Variants in PPEF1 observed in about 807,000 individuals in gnomAD.
The protein encoded by PPEF1 is protein phosphatase with EF-hand domain 1.
Under a neutral mutation model 53.3 loss-of-function variants are expected in PPEF1, and 12 were observed. The ratio of observed to expected loss-of-function variants is 0.23; its 90% CI spans 0.14 to 0.36. The LOEUF is 0.36. Among genes scored for constraint, PPEF1 ranks in the 10% least tolerant of loss-of-function variants. The pLI, the probability that PPEF1 is intolerant of heterozygous loss-of-function variation, is 1.00. For synonymous variants in PPEF1, 165 were observed against 176.7 expected (o/e 0.93, Z 0.52); for missense variants, 334 against 490.4 (o/e 0.68, Z 3.01).
upstream of PPEF1, among the ~76,000 whole-genome samples, chrX:18,707,069 C>T (rs931392858): frequency 2.7e-5 from 3 of 109,647 alleles, no homozygotes; most frequent in African/African-American, 9.9e-5. Context: ...CCTCGTAATC[C>T]GCCCGCCTCG....
intron 4 of PPEF1, among the ~76,000 whole-genome samples, chrX:18,692,149 G>T (rs993280460): frequency 1.9e-4 from 21 of 111,870 alleles, no homozygotes; most frequent in African/African-American, 6.8e-4. Flanking sequence ...TTTATTTCCT[G>T]AGCTCCAAAC....
At chrX:18,709,516 T>TC (rs2044275323) in intron 1 of PPEF1, among the ~76,000 whole-genome samples, 2 of 108,967 alleles carry the variant, frequency 1.8e-5, no homozygotes, top group South Asian at 8.0e-4. Flanking sequence ...TTTGTTTTTT[T>TC]TGAGACAGTC....
intron 4 of PPEF1, among the ~76,000 whole-genome samples, chrX:18,697,587 A>C (rs2147256489): frequency 9.1e-6 from 1 of 110,165 alleles, no homozygotes; most frequent in South Asian, 3.9e-4. Flanking sequence ...GCGCCCCTGG[A>C]GTGTCTCGTA....
intron 8 of PPEF1, among the ~76,000 whole-genome samples, chrX:18,783,361 C>A (rs2046131419): frequency 9.1e-6 from 1 of 110,037 alleles, no homozygotes; most frequent in Non-Finnish European, 1.9e-5. Flanking sequence ...AATTAGCTAG[C>A]CCCGGGAGGG....
At chrX:18,734,745 A>G (rs1227886662) in intron 3 of PPEF1, among the ~76,000 whole-genome samples, 2 of 111,575 alleles carry the variant, frequency 1.8e-5, no homozygotes, top group East Asian at 2.8e-4. Flanking sequence ...AGTCCCACCA[A>G]CAGTGTAAAA....
At chrX:18,731,641 T>C (rs931510683) in intron 2 of PPEF1, among the ~76,000 whole-genome samples, 5 of 112,095 alleles carry the variant, frequency 4.5e-5, no homozygotes, top group African/African-American at 1.3e-4. Context: ...TTCACCCATT[T>C]AAAGTGTGCA....
rs1569273822 is a variant in PPEF1, at chrX:18,821,784, AGAGAGAGAGAGAGAGAG to A, written c.1502-2138_1502-2122del. Among the ~76,000 whole-genome samples the A allele has an allele frequency of 1.7e-3, 182 of 104,579 alleles. 1 individual carries two copies. Among genetic ancestry groups the A allele is most frequent in the African/African-American group, 6.0e-3 (172 of 28,768 alleles). 90.8% of individuals were successfully genotyped at this position (104,579 alleles called of 115,157 possible). ...GAGAGAGAGAGAGAGAGAGAGAGAG[AGAGAGAGAGAGAGAGAG>A]AGAAAACAAATAACCAGTGCAAGTG... On this transcript the variant is annotated intron_variant, in intron 13 of 15. Transcript: ENST00000470157.
Position 18,713,203 on chromosome X carries a change from C to A in PPEF1, c.46+5377C>A, listed in dbSNP as rs746978807. ...AGTTCATGAAGAATTGGTATTAATT[C>A]TTTAAATATTTGGTAGAATTCATCA... is the stretch of plus-strand genomic sequence containing the variant. On this transcript the variant is annotated intron_variant, in intron 1 of 15. Transcript: ENST00000470157. 7.2e-5 allele frequency among the ~76,000 whole-genome samples: 8 copies of A among 111,322 alleles called. No homozygotes were observed. In the South Asian group the frequency reaches 2.6e-3, roughly 37 times the overall value.
chrX:18,695,215 G>A (rs1463301233), intron 4 of PPEF1, among the ~76,000 whole-genome samples: 1 of 112,609 alleles, frequency 8.9e-6, no homozygotes, highest in African/African-American at 3.2e-5. Context: ...GTTCCTTGCT[G>A]GCTTTTGGCT....
At chrX:18,691,707 TA>T (rs781259159) in intron 4 of PPEF1, 7 of 112,170 alleles carry the variant, frequency 6.2e-5, no homozygotes, top group Non-Finnish European at 1.3e-4. Context: ...ACATACAAGA[TA>T]AAGAAACAGA....
intron 1 of PPEF1, among the ~76,000 whole-genome samples, chrX:18,716,258 C>T (rs985347178): frequency 4.5e-5 from 5 of 111,805 alleles, no homozygotes; most frequent in South Asian, 3.7e-4. Context: ...AATCGCCAGG[C>T]GCGGTGGCTC....
chrX:18,728,940 C>G (rs1252931318), intron 1 of PPEF1, among the ~76,000 whole-genome samples: 2 of 111,891 alleles, frequency 1.8e-5, no homozygotes, highest in African/African-American at 6.5e-5. Context: ...GCTCTTCACT[C>G]TAAAACTCGA....
At chrX:18,790,381 C>A (rs1248962722) in intron 10 of PPEF1, among the ~76,000 whole-genome samples, 1 of 110,898 alleles carries the variant, frequency 9.0e-6, no homozygotes, top group African/African-American at 3.3e-5. Flanking sequence ...TTGCAAATAC[C>A]CTCTCCCATT....
chrX:18,735,859 A>G (rs1484441359), intron 3 of PPEF1, among the ~76,000 whole-genome samples: 20 of 111,420 alleles, frequency 1.8e-4, no homozygotes, highest in African/African-American at 4.2e-4. Flanking sequence ...TTGTAAGTTG[A>G]ATTCCTACGT....
intron 1 of PPEF1, among the ~76,000 whole-genome samples, chrX:18,720,658 C>T (rs2044570648): frequency 9.0e-6 from 1 of 111,728 alleles, no homozygotes; most frequent in Non-Finnish European, 1.9e-5. Flanking sequence ...GATAAGTTTA[C>T]CAAGTTTGTA....
intron 1 of PPEF1, among the ~76,000 whole-genome samples, chrX:18,708,472 T>A (rs903642487): frequency 8.9e-6 from 1 of 112,264 alleles, no homozygotes; most frequent in African/African-American, 3.2e-5. Flanking sequence ...ACTTGAGCAT[T>A]TAAGGGATAG....
chrX:18,781,487 A>G (rs1348310321), intron 7 of PPEF1, among the ~76,000 whole-genome samples: 1 of 111,593 alleles, frequency 9.0e-6, no homozygotes, highest in Admixed American at 9.5e-5. Context: ...ATGGTCACAG[A>G]ATCCAAGGAA....
chrX:18,787,045 C>G (rs762330837), intron 9 of PPEF1, among the ~76,000 whole-genome samples: 21 of 111,645 alleles, frequency 1.9e-4, no homozygotes, highest in Non-Finnish European at 3.8e-4. Flanking sequence ...TTGTTTGTGT[C>G]TTCTACCCTT....
intron 1 of PPEF1, 118 bp downstream of exon 1, chrX:18,707,944 C>T (rs2044237212): frequency 1.6e-6 from 1 of 623,790 alleles, no homozygotes. Flanking sequence ...GTGATTTGCA[C>T]AAGGCATCGT....
Sources: gnomAD v4.1 joint callset for allele counts (sites outside exome capture counted in the v4.1 genomes callset) on GRCh38, gnomAD v4.1.1 for gene constraint, MANE v1.5 for transcripts, NCBI Gene and HGNC (gene_info 2026-07-23, HGNC 2026-07-21) for gene names.